CROCC: variants seen among roughly 807,000 people sequenced by gnomAD.
CROCC encodes rootletin.
CROCC carries 180 observed loss-of-function variants against 245.2 expected under a neutral mutation model. The ratio of observed to expected loss-of-function variants is 0.73; its 90% CI spans 0.65 to 0.83. CROCC has a LOEUF of 0.83. CROCC is among the 40% of genes least tolerant of loss of function. The probability of loss-of-function intolerance (pLI) is 0.00; values close to 1 mark genes in which losing one functional copy is unlikely to be tolerated. For missense variants in CROCC, 2,688 were observed against 2,779.4 expected, an observed-to-expected ratio of 0.97 and a Z score of 0.74; for synonymous variants, 1,205 against 1,241.6, an observed-to-expected ratio of 0.97 and a Z score of 0.62.
At chr1:16,971,440 C>T (rs374316777) in intron 35 of CROCC, 25 bp from the exon 36 acceptor site, 274 of 1,522,786 alleles carry the variant, frequency 1.8e-4, no homozygotes, top group African/African-American at 1.2e-3. Context: ...TGGGCCAGAA[C>T]GCGGACCACA....
chr1:16,938,536 C>A, intron 11 of CROCC, 53 bp downstream of exon 11: 2 of 1,482,926 alleles, frequency 1.3e-6, no homozygotes, highest in Non-Finnish European at 1.8e-6. Flanking sequence ...GTCCCAGGCT[C>A]CCCCGCCACG....
Position 16,937,021 on chromosome 1 carries a change from C to G in CROCC, c.1193+148C>G, listed in dbSNP as rs142915801. The G allele has an allele frequency of 1.3e-3, 1,176 of 886,624 alleles. 1 individual carries two copies. In the African/African-American group the frequency reaches 0.017, roughly 13 times the overall value. 54.9% of individuals were successfully genotyped at this position (886,624 alleles called of 1,614,324 possible). A position where few individuals can be genotyped will look rare whatever the true frequency, so the allele number is the denominator to read the frequency against. ...TTCCCATGCACTGAGGTTCCGAAGG[C>G]ACTTGCCCAGTGTTTATCATAAACA... On this transcript the variant is annotated intron_variant, in intron 9 of 36. Coordinates refer to ENST00000375541, the MANE Select transcript of CROCC (RefSeq NM_014675.5).
At chr1:16,931,193 C>G (rs1371506078) in intron 7 of CROCC, 98 bp from the exon 8 acceptor site, 2 of 1,081,152 alleles carry the variant, frequency 1.8e-6, no homozygotes, top group Non-Finnish European at 1.4e-6. Flanking sequence ...AATCCCTGAA[C>G]GACGGTGCCT....
Position 16,929,940 on chromosome 1 carries a change from A to C in CROCC, c.446A>C (p.Gln149Pro), listed in dbSNP as rs762298831. ...RQSVELRRQLQEEQASYRRKL... is the reference protein window; with the variant it reads ...RQSVELRRQLPEEQASYRRKL... ...AGCGTGGAGTTGCGGAGGCAGCTGC[A>C]GGAGGAGCAGGCCTCCTACCGGCGC... Residue 149 changes from glutamine (Q) to proline (P), a missense_variant, in exon 4 of 37, where the codon CAG (glutamine) becomes CCG (proline). Coordinates refer to ENST00000375541, the MANE Select transcript of CROCC (RefSeq NM_014675.5). 5 of 1,586,854 alleles carry C rather than the reference A, an allele frequency of 3.2e-6. No homozygotes were observed. Among genetic ancestry groups the C allele is most frequent in the Non-Finnish European group, 4.3e-6 (5 of 1,169,946 alleles).
chr1:16,938,883 C>T (rs760256087), intron 11 of CROCC, 26 bp from the exon 12 acceptor site: 4 of 1,602,294 alleles, frequency 2.5e-6, no homozygotes, highest in Non-Finnish European at 3.4e-6. Flanking sequence ...CAGCAGCCTC[C>T]TTCTGCCTCC....
intron 12 of CROCC, 23 bp downstream of exon 12, chr1:16,939,165 T>C (rs1161351781): frequency 3.0e-6 from 4 of 1,354,780 alleles, no homozygotes; most frequent in African/African-American, 1.6e-5. Context: ...TTGAGCGTTC[T>C]GGGCGCAGCC....
Position 16,938,933 on chromosome 1 carries a change from G to T in CROCC, c.1399G>T (p.Gly467Cys). 1 of 1,601,740 alleles carries T rather than the reference G, an allele frequency of 6.2e-7. No individual in the cohort carries two copies. Among genetic ancestry groups the T allele is most frequent in the Middle Eastern group, 1.7e-4 (1 of 6,022 alleles). The change falls in exon 12 of 37, where the codon GGC becomes TGC. Residue 467 changes from glycine to cysteine, a missense_variant. Physicochemically the swap from Gly to Cys is radical, Grantham distance 159 (BLOSUM62 -3). Transcript: ENST00000375541. ...AQAVLSDSES[G>C]VQLSGSERTA... The stretch of plus-strand genomic sequence containing the variant: ...GGCCGTCTTGTCAGACTCTGAGAGC[G>T]GCGTCCAGCTGAGCGGCTCTGAGCG...
chr1:16,935,116 T>C (rs551862419), intron 8 of CROCC, among the ~76,000 whole-genome samples: 49 of 152,310 alleles, frequency 3.2e-4, no homozygotes, highest in Admixed American at 3.2e-3. Flanking sequence ...GCCAGGCTGG[T>C]CTTGAACTCC....
intron 13 of CROCC, among the ~76,000 whole-genome samples, chr1:16,942,775 C>G (rs1232644886): frequency 6.6e-6 from 1 of 152,282 alleles, no homozygotes; most frequent in African/African-American, 2.4e-5. Flanking sequence ...GTGTTCACAG[C>G]AAACATCCCA....
intron 3 of CROCC, among the ~76,000 whole-genome samples, chr1:16,928,655 T>C (rs1168363525): frequency 6.6e-6 from 1 of 151,582 alleles, no homozygotes; most frequent in Non-Finnish European, 1.5e-5. Context: ...TACAAAAAAT[T>C]AGCCAGGTGT....
chr1:16,969,649 GGTTTGGT>G, intron 32 of CROCC, 129 bp from the exon 33 acceptor site: 1 of 1,275,222 alleles, frequency 7.8e-7, no homozygotes, highest in East Asian at 2.3e-5. Context: ...GCCGTGGATG[GGTTTGGT>G]GTGCACCCCA....
chr1:16,937,732 G>A lies in CROCC; in HGVS notation c.1285G>A (p.Ala429Thr). The A allele has an allele frequency of 6.2e-7, 1 of 1,609,014 alleles. No individual in the cohort carries two copies. Among genetic ancestry groups the A allele is most frequent in the Non-Finnish European group, 8.5e-7 (1 of 1,177,984 alleles). Residue 429 changes from alanine (A) to threonine (T), a missense_variant, in exon 10 of 37, where the codon GCC becomes ACC. Physicochemically the swap from Ala to Thr is moderately conservative, Grantham distance 58. Coordinates refer to ENST00000375541, the MANE Select transcript of CROCC (RefSeq NM_014675.5). ...VNKDLTEKLE[A>T]LESLRLQEQA... is the part of the protein sequence containing the mutation. Reference sequence around the variant, plus strand: ...CAAGGACCTCACTGAGAAGCTTGAGGCCCTGGTGAGCTGCAGGTGCCCCTG... The same window carrying A: ...CAAGGACCTCACTGAGAAGCTTGAGACCCTGGTGAGCTGCAGGTGCCCCTG...
chr1:16,924,562 G>A, intron 3 of CROCC, 83 bp downstream of exon 3: 1 of 1,523,974 alleles, frequency 6.6e-7, no homozygotes, highest in East Asian at 2.3e-5. Flanking sequence ...CCCACACACG[G>A]GGCAAAAGAT....
At chr1:16,929,015 C>T (rs573552192) in intron 3 of CROCC, among the ~76,000 whole-genome samples, 124 of 152,160 alleles carry the variant, frequency 8.1e-4, no homozygotes, top group African/African-American at 2.8e-3. Context: ...TTAGTAGAGA[C>T]GGGGTTTCAT....
chr1:16,955,221 G>A (rs931303041), intron 23 of CROCC, 91 bp from the exon 24 acceptor site: 2 of 1,260,094 alleles, frequency 1.6e-6, no homozygotes, highest in Admixed American at 1.8e-5. Context: ...GGATGGGGCA[G>A]GCTCCCTGGG....
Position 16,923,973 on chromosome 1 carries a change from C to T in CROCC, c.197-352C>T, listed in dbSNP as rs1354867940. Among the ~76,000 whole-genome samples the T allele has an allele frequency of 5.3e-5, 8 of 152,250 alleles. 1 individual carries two copies. In the South Asian group the frequency reaches 6.2e-4, roughly 12 times the overall value. Reference sequence around the variant, plus strand: ...GGGATTACAGGCGTGAGTCCGTGCCCGCCCCACCCATATTACAGATAAGTA... The same window carrying T: ...GGGATTACAGGCGTGAGTCCGTGCCTGCCCCACCCATATTACAGATAAGTA... On this transcript the variant is annotated intron_variant, in intron 2 of 36. Coordinates refer to ENST00000375541, the MANE Select transcript of CROCC (RefSeq NM_014675.5).
In CROCC at chr1:16,924,413, C is replaced by G; in HGVS notation, c.285C>G (p.Asp95Glu). The G allele has an allele frequency of 6.2e-7, 1 of 1,613,364 alleles. No homozygotes were observed. The change falls in exon 3 of 37, where the codon GAC becomes GAG. Residue 95 changes from aspartate (D) to glutamate (E), a missense_variant. Physicochemically the swap from Asp to Glu is conservative, Grantham distance 45 (BLOSUM62 2). Transcript: ENST00000375541. ...AGCAGGAGCTGTCCCGCGTGGAGGA[C>G]CTGCTGGCCCAGAGCCGTGCCGAGC... ...LLQQELSRVE[D>E]LLAQSRAERD...
chr1:16,920,229 C>T (rs2075375521), upstream of CROCC, among the ~76,000 whole-genome samples: 1 of 152,388 alleles, frequency 6.6e-6, no homozygotes, highest in South Asian at 2.1e-4. Context: ...CAGGTGTGCA[C>T]CACCATGCCT....
intron 19 of CROCC, among the ~76,000 whole-genome samples, chr1:16,950,487 G>GTA (rs57090008): frequency 0.22 from 33,556 of 150,532 alleles, 4,138 homozygotes; most frequent in African/African-American, 0.33. Context: ...GCCTCCCTGA[G>GTA]GCTGGGACTA....
Sources: allele counts gnomAD v4.1 joint callset (sites outside exome capture counted in the v4.1 genomes callset), GRCh38; gene constraint gnomAD v4.1.1; transcripts MANE v1.5; gene names NCBI Gene and HGNC (gene_info 2026-07-23, HGNC 2026-07-21).